TPO: variants seen among roughly 807,000 people sequenced by gnomAD.
TPO encodes the protein thyroid peroxidase.
In TPO, 78 loss-of-function variants were observed where a neutral mutation model predicts 96.9. The ratio of observed to expected loss-of-function variants is 0.81; its 90% confidence interval spans 0.67 to 0.97. The LOEUF is 0.97. Ranked by LOEUF, TPO falls within the 50% of genes least tolerant of loss-of-function variation. TPO has a pLI of 0.00. For missense variants in TPO, 1,252 were observed against 1,274.8 expected (o/e 0.98, Z 0.27); for synonymous variants, 547 against 538.0 (o/e 1.02, Z -0.23).
chr2:1,498,054 G>T (rs1183287378), intron 13 of TPO, among the ~76,000 whole-genome samples: 1 of 150,788 alleles, frequency 6.6e-6, no homozygotes, highest in Non-Finnish European at 1.5e-5. Flanking sequence ...CACAAGGTCA[G>T]TGTGCTCAAT....
chr2:1,410,666 G>T (rs540471256), upstream of TPO, among the ~76,000 whole-genome samples: 84 of 152,192 alleles, frequency 5.5e-4, 1 homozygote, highest in East Asian at 1.2e-3. Context: ...TTGTCTTCTC[G>T]GTGGGCCCGG....
intron 5 of TPO, among the ~76,000 whole-genome samples, chr2:1,448,870 A>G (rs1446378711): frequency 2.0e-5 from 3 of 152,280 alleles, no homozygotes; most frequent in East Asian, 3.9e-4. Flanking sequence ...TGAAATTTCC[A>G]TCCAGGCGGG....
At chr2:1,469,443 C>G (rs918085679) in intron 7 of TPO, among the ~76,000 whole-genome samples, 5 of 152,172 alleles carry the variant, frequency 3.3e-5, no homozygotes, top group Non-Finnish European at 7.3e-5. Context: ...AGGGATGTGG[C>G]TTCCTGAGAG....
intron 15 of TPO, among the ~76,000 whole-genome samples, chr2:1,521,319 C>T (rs932924130): frequency 2.0e-5 from 3 of 152,168 alleles, no homozygotes; most frequent in Non-Finnish European, 2.9e-5. Flanking sequence ...TCTCTAGGCA[C>T]GTCACGGGGG....
At position 1,516,908 on chromosome 2, in the gene TPO, T is replaced by C. The variant is rs747727111; in HGVS notation, c.2544T>C (p.Thr848=). ...ACTCCGGGAGGCTCCCTCGGGTGAC[T>C]TGGATCTCCATGTCGCTGGCTGCTC... is the stretch of plus-strand genomic sequence containing the variant. ...CVDSGRLPRV[T]WISMSLAALL... is the part of the protein sequence containing the mutation. The change falls in exon 15 of 17, where the codon ACT becomes ACC. Residue 848 remains threonine (T), a synonymous_variant. Transcript: ENST00000329066. 5 of 1,613,982 alleles carry C rather than the reference T, an allele frequency of 3.1e-6. No individual in the cohort carries two copies. The Admixed American group carries it at 6.7e-5, about 22-fold the overall frequency.
At chr2:1,442,170 T>C (rs58461728) in intron 5 of TPO, among the ~76,000 whole-genome samples, 5,173 of 152,204 alleles carry the variant, frequency 0.034, 230 homozygotes, top group East Asian at 0.12. Context: ...CTCCTTTTCT[T>C]CTCAGACTCA....
At chr2:1,537,814 C>T (rs1196177663) in intron 15 of TPO, among the ~76,000 whole-genome samples, 67 of 105,366 alleles carry the variant, frequency 6.4e-4, no homozygotes, top group Non-Finnish European at 1.2e-3. Context: ...CCCCAAATCC[C>T]CCCACTGTGA....
In TPO at chr2:1,456,175, G is replaced by A. The variant is rs753687508; in HGVS notation, c.712G>A (p.Asp238Asn). Residue 238 changes from aspartate to asparagine, a missense_variant, in exon 7 of 17, where the codon GAC becomes AAC. Physicochemically the swap from Asp to Asn is conservative, Grantham distance 23 (BLOSUM62 1). Transcript: ENST00000329066. ...DLLMAWGQYIDHDIAFTPQST... is the reference protein window; with the variant it reads ...DLLMAWGQYINHDIAFTPQST... ...CCTGATGGCATGGGGACAATACATCGACCACGACATCGCGTTCACACCACA... is the reference window on the plus strand; with the variant it reads ...CCTGATGGCATGGGGACAATACATCAACCACGACATCGCGTTCACACCACA... 9.9e-6 allele frequency: 16 copies of A among 1,613,926 alleles called. No individual in the cohort carries two copies. Among genetic ancestry groups the A allele is most frequent in the Admixed American group, 5.0e-5 (3 of 60,004 alleles).
intron 15 of TPO, among the ~76,000 whole-genome samples, chr2:1,531,811 C>G (rs58413049): frequency 2.9e-4 from 13 of 44,618 alleles, no homozygotes; most frequent in African/African-American, 9.6e-4. Flanking sequence ...CCCCCACTCT[C>G]TGCAACCTCC....
chr2:1,539,396 C>T (rs1680460607), intron 15 of TPO, among the ~76,000 whole-genome samples: 1 of 152,176 alleles, frequency 6.6e-6, no homozygotes, highest in African/African-American at 2.4e-5. Context: ...CCCCAGCCCC[C>T]CTCGGTGATC....
intron 9 of TPO, among the ~76,000 whole-genome samples, chr2:1,486,837 C>G (rs557128570): frequency 1.3e-5 from 2 of 152,164 alleles, no homozygotes; most frequent in South Asian, 2.1e-4. Context: ...GTGCGTCCGG[C>G]GATACCTGCT....
chr2:1,537,392 TCC>T (rs759181987), intron 15 of TPO, among the ~76,000 whole-genome samples: 1 of 110,688 alleles, frequency 9.0e-6, no homozygotes, highest in Non-Finnish European at 1.8e-5. Context: ...CTCCCTCAAA[TCC>T]CCCCACTGTG....
chr2:1,454,833 CA>C (rs1667643085), intron 6 of TPO, among the ~76,000 whole-genome samples: 1 of 152,210 alleles, frequency 6.6e-6, no homozygotes, highest in Non-Finnish European at 1.5e-5. Flanking sequence ...TGAGAAAAAT[CA>C]GAGTTCAAGT....
intron 1 of TPO, among the ~76,000 whole-genome samples, chr2:1,397,712 G>A (rs912095344): frequency 2.6e-5 from 4 of 152,240 alleles, no homozygotes; most frequent in Admixed American, 1.3e-4. Context: ...TCCCACCCCC[G>A]GGTCCTGATG....
At chr2:1,450,924 T>G (rs1183166534) in intron 5 of TPO, among the ~76,000 whole-genome samples, 1 of 152,238 alleles carries the variant, frequency 6.6e-6, no homozygotes, top group Non-Finnish European at 1.5e-5. Context: ...TTGCAGCTGA[T>G]TATATGCATT....
At position 1,464,054 on chromosome 2, in the gene TPO, C is replaced by A. The variant is rs146005033; in HGVS notation, c.819+7772C>A. Reference sequence around the variant, plus strand: ...TTTTTATCTCTCACTCCCTTCCCACCCTTTCCCCCTGAGTCCCCAAAGTCC... The same window carrying A: ...TTTTTATCTCTCACTCCCTTCCCACACTTTCCCCCTGAGTCCCCAAAGTCC... On this transcript the variant is annotated intron_variant, in intron 7 of 16. Coordinates refer to ENST00000329066, the MANE Select transcript of TPO (RefSeq NM_001206744.2). 2.5e-4 allele frequency among the ~76,000 whole-genome samples: 38 copies of A among 152,282 alleles called. 1 individual carries two copies. The highest frequency in any genetic ancestry group is 8.2e-4 in the African/African-American group (34 of 41,554).
upstream of TPO, among the ~76,000 whole-genome samples, chr2:1,412,978 C>A (rs1166756537): frequency 6.6e-6 from 1 of 152,018 alleles, no homozygotes; most frequent in Non-Finnish European, 1.5e-5. Context: ...TCATTTTTCA[C>A]CTCAACAAAT....
chr2:1,428,269 G>A (rs1449936312), intron 3 of TPO, among the ~76,000 whole-genome samples: 1 of 152,192 alleles, frequency 6.6e-6, no homozygotes, highest in Non-Finnish European at 1.5e-5. Flanking sequence ...GGGGCCCCTG[G>A]GAAATAGCAG....
At chr2:1,482,718 A>C (rs1020199584) in intron 8 of TPO, among the ~76,000 whole-genome samples, 5 of 152,328 alleles carry the variant, frequency 3.3e-5, no homozygotes, top group African/African-American at 1.2e-4. Context: ...TCTATCACCT[A>C]GGCGGAAGTG....
Sources: gnomAD v4.1 joint callset for allele counts (sites outside exome capture counted in the v4.1 genomes callset) on GRCh38, gnomAD v4.1.1 for gene constraint, MANE v1.5 for transcripts, NCBI Gene and HGNC (gene_info 2026-07-23, HGNC 2026-07-21) for gene names.